Variants in SGCZ observed in about 807,000 individuals in gnomAD.
SGCZ encodes zeta-sarcoglycan.
A neutral mutation model predicts 41.3 loss-of-function variants in SGCZ; 40 were observed. That is an observed-to-expected ratio of 0.97 (90% CI 0.75 to 1.26). The LOEUF (loss-of-function observed/expected upper bound fraction) is 1.26. SGCZ is among the 50% of genes most tolerant of loss of function. The pLI is 0.00. For missense variants in SGCZ, 552 were observed against 369.8 expected (o/e 1.49, Z -4.04); for synonymous variants, 206 against 137.5 (o/e 1.50, Z -3.49).
At chr8:14,178,391 G>A (rs1280053879) in intron 4 of SGCZ, among the ~76,000 whole-genome samples, 2 of 152,118 alleles carry the variant, frequency 1.3e-5, no homozygotes, top group African/African-American at 4.8e-5. Flanking sequence ...CAAAATTTTG[G>A]TCCATAGCCG....
rs150458093 is a variant in SGCZ at position 14,968,911 on chromosome 8, C to A, written c.39+268674G>T. ...TGGCTTTTCATTCGAGCTTTTTTTTCTCACAAATGATATTTTCCTGTGCAA... is the reference window on the plus strand; with the variant it reads ...TGGCTTTTCATTCGAGCTTTTTTTTATCACAAATGATATTTTCCTGTGCAA... On this transcript the variant is annotated intron_variant, in intron 1 of 7. Coordinates refer to ENST00000382080, the MANE Select transcript of SGCZ (RefSeq NM_139167.4). 3.4e-3 allele frequency among the ~76,000 whole-genome samples: 516 copies of A among 151,898 alleles called. 5 individuals are homozygous for A. Among genetic ancestry groups the A allele is most frequent in the African/African-American group, 0.012 (492 of 41,496 alleles).
At chr8:14,320,940 A>T (rs1801897214) in intron 3 of SGCZ, among the ~76,000 whole-genome samples, 1 of 152,054 alleles carries the variant, frequency 6.6e-6, no homozygotes, top group Non-Finnish European at 1.5e-5. Flanking sequence ...GTAATTTGAC[A>T]ACATGACTAC....
intron 2 of SGCZ, among the ~76,000 whole-genome samples, chr8:14,515,188 T>C (rs551595849): frequency 5.3e-5 from 8 of 151,956 alleles, no homozygotes; most frequent in Non-Finnish European, 8.8e-5. Context: ...CCTCCTCCAA[T>C]AAAACTGAAC....
In SGCZ at chr8:14,089,848, G is replaced by A. The variant is rs531865007; in HGVS notation, c.*595C>T. 1 of 152,438 alleles carries A rather than the reference G, an allele frequency of 6.6e-6. No homozygotes were observed. The highest frequency in any genetic ancestry group is 1.9e-4 in the East Asian group (1 of 5,154). 9.4% of individuals were successfully genotyped at this position (152,438 alleles called of 1,614,324 possible). A position where few individuals can be genotyped will look rare whatever the true frequency, so the allele number is the denominator to read the frequency against. On this transcript the variant is annotated 3_prime_UTR_variant, in exon 8 of 8. Transcript: ENST00000382080. ...AGAGTAACAGCACATTGAAATTAAAGAAACAGAAGGAAAACTCAGGGAGAG... is the reference window on the plus strand; with the variant it reads ...AGAGTAACAGCACATTGAAATTAAAAAAACAGAAGGAAAACTCAGGGAGAG...
chr8:14,471,322 G>C (rs1801207689), intron 2 of SGCZ, among the ~76,000 whole-genome samples: 1 of 152,074 alleles, frequency 6.6e-6, no homozygotes, highest in African/African-American at 2.4e-5. Context: ...ACATTAATTA[G>C]CGTATGCTTA....
intron 4 of SGCZ, among the ~76,000 whole-genome samples, chr8:14,192,548 T>C (rs143445163): frequency 0.011 from 1,651 of 152,014 alleles, 39 homozygotes; most frequent in African/African-American, 0.038. Context: ...GCATATGATA[T>C]TTGAGTTTTT....
intron 1 of SGCZ, among the ~76,000 whole-genome samples, chr8:14,822,970 C>G (rs1802161150): frequency 6.8e-6 from 1 of 147,780 alleles, no homozygotes; most frequent in South Asian, 2.2e-4. Context: ...AGGAGAATTG[C>G]TGGAGCCTGG....
chr8:14,272,555 G>A (rs1314731219), intron 3 of SGCZ, among the ~76,000 whole-genome samples: 1 of 152,160 alleles, frequency 6.6e-6, no homozygotes, highest in East Asian at 1.9e-4. Context: ...AGTTGTCAGT[G>A]AAAGCACAAA....
At chr8:15,046,901 C>A (rs1486707163) in intron 1 of SGCZ, among the ~76,000 whole-genome samples, 3 of 151,948 alleles carry the variant, frequency 2.0e-5, no homozygotes, top group African/African-American at 7.2e-5. Flanking sequence ...CTCTATATAA[C>A]TAATTTGCTC....
intron 1 of SGCZ, among the ~76,000 whole-genome samples, chr8:14,936,348 A>G (rs1800082521): frequency 6.6e-6 from 1 of 152,002 alleles, no homozygotes; most frequent in African/African-American, 2.4e-5. Flanking sequence ...AGCCTAGCCT[A>G]CCTTAAATGC....
chr8:14,414,478 A>T (rs1799443190), intron 2 of SGCZ, among the ~76,000 whole-genome samples: 1 of 151,954 alleles, frequency 6.6e-6, no homozygotes, highest in Non-Finnish European at 1.5e-5. Flanking sequence ...TTTAAATGTT[A>T]TGTTTGGAAC....
chr8:14,755,873 A>AT (rs1452090573), intron 1 of SGCZ, among the ~76,000 whole-genome samples: 1 of 152,136 alleles, frequency 6.6e-6, no homozygotes. Flanking sequence ...CTAAAAAAAA[A>AT]GTAAAAATAA....
At chr8:14,376,369 T>C (rs1227364403) in intron 2 of SGCZ, among the ~76,000 whole-genome samples, 1 of 152,078 alleles carries the variant, frequency 6.6e-6, no homozygotes, top group Non-Finnish European at 1.5e-5. Flanking sequence ...AAATAACTAT[T>C]GTAACAACAC....
intron 1 of SGCZ, among the ~76,000 whole-genome samples, chr8:15,052,185 G>T (rs1281995235): frequency 6.6e-6 from 1 of 152,136 alleles, no homozygotes. Flanking sequence ...ATAAAAGAAA[G>T]CAGAAATAAA....
At chr8:14,851,501 C>A (rs1178286868) in intron 1 of SGCZ, among the ~76,000 whole-genome samples, 1 of 151,358 alleles carries the variant, frequency 6.6e-6, no homozygotes, top group Non-Finnish European at 1.5e-5. Context: ...TACAACAGTA[C>A]CTTTACCAAA....
At chr8:14,609,993 G>A (rs1805874778) in intron 1 of SGCZ, among the ~76,000 whole-genome samples, 1 of 152,110 alleles carries the variant, frequency 6.6e-6, no homozygotes, top group Non-Finnish European at 1.5e-5. Flanking sequence ...TTTGTTACAA[G>A]TCTGTTCACG....
chr8:15,175,234 G>C (rs1279019871), intron 1 of SGCZ, among the ~76,000 whole-genome samples: 1 of 152,090 alleles, frequency 6.6e-6, no homozygotes, highest in East Asian at 1.9e-4. Context: ...ATGCATGCTT[G>C]TGTTCACTGC....
At position 15,208,894 on chromosome 8, in the gene SGCZ, C is replaced by CAT. The variant is rs149822249; in HGVS notation, c.39+28689_39+28690dup. ...ATATATATATACACATATCCCTATA[C>CAT]ATATATATAGAGAGAGAGAGAGAGA... On this transcript the variant is annotated intron_variant, in intron 1 of 7. Coordinates refer to ENST00000382080, the MANE Select transcript of SGCZ (RefSeq NM_139167.4). 4.9e-3 allele frequency among the ~76,000 whole-genome samples: 713 copies of CAT among 146,178 alleles called. 6 individuals are homozygous for CAT. The highest frequency in any genetic ancestry group is 0.017 in the African/African-American group (671 of 39,802).
intron 1 of SGCZ, among the ~76,000 whole-genome samples, chr8:14,591,485 G>A (rs1805238541): frequency 6.6e-6 from 1 of 151,894 alleles, no homozygotes; most frequent in Admixed American, 6.6e-5. Flanking sequence ...TTAAAACCCT[G>A]ATCAAAACCT....
Sources: gnomAD v4.1 joint callset for allele counts (sites outside exome capture counted in the v4.1 genomes callset) on GRCh38, gnomAD v4.1.1 for gene constraint, MANE v1.5 for transcripts, NCBI Gene and HGNC (gene_info 2026-07-23, HGNC 2026-07-21) for gene names.